Variants in LRP2 observed in about 807,000 individuals in gnomAD.
The protein encoded by LRP2 is LDL receptor related protein 2.
In LRP2, 172 loss-of-function variants were observed where a neutral mutation model predicts 531.0. The observed-to-expected ratio is 0.32, with a 90% CI of 0.29 to 0.37. The LOEUF (loss-of-function observed/expected upper bound fraction) is 0.37. LRP2 is among the 10% of genes least tolerant of loss of function. The probability of loss-of-function intolerance (pLI) is 1.00; values close to 1 mark genes in which losing one functional copy is unlikely to be tolerated. For synonymous variants in LRP2, 1,992 were observed against 2,027.6 expected (o/e 0.98, Z 0.47); for missense variants, 5,167 against 5,868.3 (o/e 0.88, Z 3.90).
Position 169,256,199 on chromosome 2 carries a change from T to C in LRP2, c.2677A>G (p.Lys893Glu). ...CCATCAAAGGTGCTGTGCTCAATTT[T>C]ATCAAAATAGGCATCTACCCAGTAC... The part of the protein sequence containing the change: ...RLYWVDAYFD[K>E]IEHSTFDGLD... Residue 893 changes from lysine (K) to glutamate (E), a missense_variant, in exon 19 of 79, where the codon AAA becomes GAA. Lys to Glu is a moderately conservative substitution (Grantham distance 56). This residue lies in a region of LRP2 where 2,811 missense variants were observed against 3,058.0 expected (regional missense o/e 0.92). Transcript: ENST00000649046. The C allele has an allele frequency of 6.2e-7, 1 of 1,613,056 alleles. No homozygotes were observed. The highest frequency in any genetic ancestry group is 8.5e-7 in the Non-Finnish European group (1 of 1,179,216).
intron 30 of LRP2, 74 bp from the exon 31 acceptor site, chr2:169,231,916 T>C (rs1689419963): frequency 5.7e-6 from 9 of 1,571,848 alleles, no homozygotes; most frequent in Non-Finnish European, 6.9e-6. Context: ...GTCATGCTCT[T>C]AGTGTCCTTC....
chr2:169,183,771 TA>T (rs1687526064), intron 50 of LRP2, among the ~76,000 whole-genome samples: 2 of 152,186 alleles, frequency 1.3e-5, no homozygotes, highest in East Asian at 3.9e-4. Flanking sequence ...AATGGTGGTT[TA>T]AAAAGTTATA....
chr2:169,152,521 T>C (rs973621426), intron 67 of LRP2, among the ~76,000 whole-genome samples: 5 of 152,196 alleles, frequency 3.3e-5, no homozygotes, highest in Admixed American at 6.5e-5. Context: ...CACTATTATA[T>C]CCTAGATATA....
intron 5 of LRP2, 89 bp from the exon 6 acceptor site, chr2:169,294,350 A>G (rs1684081432): frequency 2.3e-6 from 2 of 866,894 alleles, no homozygotes; most frequent in East Asian, 4.9e-5. Flanking sequence ...TCTCCAGTTT[A>G]AAAAGGGATT....
chr2:169,277,841 G>A lies in LRP2; in HGVS notation c.1676C>T (p.Pro559Leu). The A allele has an allele frequency of 1.2e-6, 2 of 1,614,092 alleles. No individual in the cohort carries two copies. The highest frequency in any genetic ancestry group is 1.1e-5 in the South Asian group (1 of 91,082). ...KDLVKTKLGWPAGVTLDMISK... is the reference protein window; with the variant it reads ...KDLVKTKLGWLAGVTLDMISK... ...TATCATATCCAGAGTTACCCCAGCA[G>A]GCCATCCCAGCTTTGTTTTCACCAA... The change falls in exon 13 of 79, where the codon CCT becomes CTT. Residue 559 changes from proline (P) to leucine (L), a missense_variant. This residue lies in a region of LRP2 where 2,811 missense variants were observed against 3,058.0 expected (regional missense o/e 0.92). Transcript: ENST00000649046.
At chr2:169,231,046 C>G (rs542992289) in intron 31 of LRP2, among the ~76,000 whole-genome samples, 1 of 152,208 alleles carries the variant, frequency 6.6e-6, no homozygotes, top group East Asian at 1.9e-4. Context: ...GTAATCCCAG[C>G]ACTTTGGGAG....
chr2:169,246,202 T>C (rs1689998183), intron 21 of LRP2, among the ~76,000 whole-genome samples: 3 of 152,054 alleles, frequency 2.0e-5, no homozygotes, highest in African/African-American at 7.2e-5. Flanking sequence ...TATTTATTTA[T>C]TATTATTATA....
intron 35 of LRP2, among the ~76,000 whole-genome samples, chr2:169,215,964 G>A (rs537900776): frequency 8.8e-4 from 134 of 151,780 alleles, no homozygotes; most frequent in Non-Finnish European, 1.3e-3. Flanking sequence ...GAAATGACAA[G>A]TAAGAAATGA....
chr2:169,270,034 T>G (rs1368276916), intron 16 of LRP2, among the ~76,000 whole-genome samples: 2 of 151,992 alleles, frequency 1.3e-5, no homozygotes, highest in East Asian at 3.9e-4. Context: ...ATCAGAGAAA[T>G]GCAAATCAAA....
chr2:169,294,186 T>C lies in LRP2; in HGVS notation c.614A>G (p.Asp205Gly). The C allele has an allele frequency of 6.2e-7, 1 of 1,613,958 alleles. No individual in the cohort carries two copies. Among genetic ancestry groups the C allele is most frequent in the Non-Finnish European group, 8.5e-7 (1 of 1,179,848 alleles). The part of the protein sequence containing the change: ...CIPRAYVCDH[D>G]NDCQDGSDEH... ...GTCACTGCCGTCTTGGCAATCATTG[T>C]CATGGTCACAGACATAAGCACGAGG... Residue 205 changes from aspartate to glycine, a missense_variant, in exon 6 of 79, where the codon GAC becomes GGC. By Grantham distance (94) the Asp-to-Gly change is moderately conservative (BLOSUM62 -1). This residue lies in a region of LRP2 where 2,811 missense variants were observed against 3,058.0 expected (regional missense o/e 0.92). Coordinates refer to ENST00000649046, the MANE Select transcript of LRP2 (RefSeq NM_004525.3).
chr2:169,204,875 C>T (rs185836827), intron 41 of LRP2, among the ~76,000 whole-genome samples: 115 of 152,236 alleles, frequency 7.6e-4, no homozygotes, highest in African/African-American at 2.5e-3. Context: ...ATTAGGATGA[C>T]TGGAATGTGA....
chr2:169,164,071 A>C (rs1311481518), intron 62 of LRP2, among the ~76,000 whole-genome samples: 1 of 152,236 alleles, frequency 6.6e-6, no homozygotes, highest in East Asian at 1.9e-4. Flanking sequence ...CTGGGGCAGC[A>C]GACATGAATC....
chr2:169,356,862 C>G (rs1686002006), intron 1 of LRP2, among the ~76,000 whole-genome samples: 1 of 152,172 alleles, frequency 6.6e-6, no homozygotes, highest in South Asian at 2.1e-4. Flanking sequence ...GAGTCAATGA[C>G]TATTTCAGAA....
chr2:169,295,712 T>C (rs1329970752), intron 4 of LRP2, among the ~76,000 whole-genome samples: 2 of 152,214 alleles, frequency 1.3e-5, no homozygotes, highest in South Asian at 2.1e-4. Flanking sequence ...GGGACATTAC[T>C]CTCTGTGCTT....
chr2:169,264,195 G>A (rs1174269493), intron 16 of LRP2, among the ~76,000 whole-genome samples: 2 of 152,040 alleles, frequency 1.3e-5, no homozygotes, highest in East Asian at 3.9e-4. Flanking sequence ...GTATACATAT[G>A]TAACTAACCT....
At chr2:169,168,996 C>T (rs1214556795) in intron 60 of LRP2, among the ~76,000 whole-genome samples, 1 of 152,160 alleles carries the variant, frequency 6.6e-6, no homozygotes, top group African/African-American at 2.4e-5. Flanking sequence ...TCAACGATAA[C>T]CATCATGGAT....
rs577337962 is a variant in LRP2, at chr2:169,172,330, C to T, written c.11144-196G>A. The stretch of plus-strand genomic sequence containing the variant: ...TGAGCCTATCCTACCACTTGAAACT[C>T]GATCCATTCCCATTGGTAGAAACCA... On this transcript the variant is annotated intron_variant, in intron 57 of 78. Transcript: ENST00000649046. Among the ~76,000 whole-genome samples, 12 of 152,266 alleles carry T rather than the reference C, an allele frequency of 7.9e-5. No homozygotes were observed. The East Asian group carries it at 1.2e-3, about 15-fold the overall frequency.
chr2:169,240,752 A>G, intron 25 of LRP2: 1 of 588,802 alleles, frequency 1.7e-6, no homozygotes, highest in Non-Finnish European at 3.0e-6. Flanking sequence ...ATTTTTTGAA[A>G]CAAAGACATA....
At chr2:169,174,254 A>G in intron 55 of LRP2, 90 bp from the exon 56 acceptor site, 35 of 1,516,270 alleles carry the variant, frequency 2.3e-5, no homozygotes, top group Non-Finnish European at 3.0e-5. Flanking sequence ...TAGCAGGATC[A>G]TGATTTCTTT....
Sources: gnomAD v4.1 joint callset for allele counts (sites outside exome capture counted in the v4.1 genomes callset) on GRCh38, gnomAD v4.1.1 for gene constraint, gnomAD v4.1.1 regional missense constraint, MANE v1.5 for transcripts, NCBI Gene and HGNC (gene_info 2026-07-23, HGNC 2026-07-21) for gene names.